The following NRM variants were observed in gnomAD, a reference collection of about 807,000 sequenced individuals.
NRM encodes nuclear rim protein.
Under a neutral mutation model 23.4 loss-of-function variants are expected in NRM, and 19 were observed. The ratio of observed to expected loss-of-function variants is 0.81; its 90% CI spans 0.57 to 1.19. The LOEUF is 1.19. Among genes scored for constraint, NRM ranks in the 50% most tolerant of loss-of-function variants. The pLI, the probability that NRM is intolerant of heterozygous loss-of-function variation, is 0.00. For synonymous variants in NRM, 140 were observed against 143.5 expected (o/e 0.98, Z 0.17); for missense variants, 232 against 329.7 (o/e 0.70, Z 2.30).
rs1771475061 is a variant in NRM, at chr6:30,690,295, G to A, written c.134-52C>T. On this transcript the variant is annotated intron_variant, in intron 1 of 3. Coordinates refer to ENST00000376421, the MANE Select transcript of NRM (RefSeq NM_001384369.1). This position sits in a 1 kb window ranked among gnomAD's most constrained non-coding sequence, Gnocchi z 5.5. ...CAAAAGATCGAAACAGTGGCAGAAT[G>A]TTTCCCCCACCCTCATCTCCTCTTG... 2 of 1,482,642 alleles carry A rather than the reference G, an allele frequency of 1.3e-6. No homozygotes were observed. Among genetic ancestry groups the A allele is most frequent in the Non-Finnish European group, 9.1e-7 (1 of 1,103,782 alleles). 91.8% of individuals were successfully genotyped at this position (1,482,642 alleles called of 1,614,324 possible). A position where few individuals can be genotyped will look rare whatever the true frequency, so the allele number is the denominator to read the frequency against.
At position 30,688,788 on chromosome 6, in the gene NRM, G is replaced by C; in HGVS notation, c.662C>G (p.Ala221Gly). ...GCCCAGGTAGAGGGTAAGGAGGAAAGCAAGGAGGAGACGGTCCGTGCCCAG... is the reference window on the plus strand; with the variant it reads ...GCCCAGGTAGAGGGTAAGGAGGAAACCAAGGAGGAGACGGTCCGTGCCCAG... ...PTLGTDRLLL[A>G]FLLTLYLGLA... Residue 221 changes from alanine (A) to glycine (G), a missense_variant, in exon 4 of 4, where the codon GCT (alanine) becomes GGT (glycine). Physicochemically the swap from Ala to Gly is moderately conservative, Grantham distance 60. Transcript: ENST00000376421. This position sits in a 1 kb window ranked among gnomAD's most constrained non-coding sequence, Gnocchi z 5.9. 1 of 1,613,814 alleles carries C rather than the reference G, an allele frequency of 6.2e-7. No individual in the cohort carries two copies. The highest frequency in any genetic ancestry group is 8.5e-7 in the Non-Finnish European group (1 of 1,179,974).
rs890830570 is a variant in NRM at position 30,690,346 on chromosome 6, C to A, written c.134-103G>T. ...GATCCCCAGGCCATGTCCCTTACTG[C>A]TTTCAAGAGCCTTAATGCTTCCTCT... On this transcript the variant is annotated intron_variant, in intron 1 of 3. Coordinates refer to ENST00000376421, the MANE Select transcript of NRM (RefSeq NM_001384369.1). This position sits in a 1 kb window ranked among gnomAD's most constrained non-coding sequence, Gnocchi z 5.5. 13 of 1,138,356 alleles carry A rather than the reference C, an allele frequency of 1.1e-5. No homozygotes were observed. In the South Asian group the frequency reaches 2.1e-4, roughly 18 times the overall value. 70.5% of individuals were successfully genotyped at this position (1,138,356 alleles called of 1,614,324 possible). A position where few individuals can be genotyped will look rare whatever the true frequency, so the allele number is the denominator to read the frequency against.
chr6:30,690,865 C>T lies in NRM; in HGVS notation c.110G>A (p.Gly37Glu), dbSNP rs777397361. 6.2e-7 allele frequency: 1 copy of T among 1,613,112 alleles called. No homozygotes were observed. The highest frequency in any genetic ancestry group is 8.5e-7 in the Non-Finnish European group (1 of 1,180,038). The change falls in exon 1 of 4, where the codon GGG becomes GAG. Residue 37 changes from glycine to glutamate, a missense_variant. Coordinates refer to ENST00000376421, the MANE Select transcript of NRM (RefSeq NM_001384369.1). The surrounding 1 kb of genome is among the most constrained non-coding windows in gnomAD (Gnocchi z 5.5). ...RFTSLRPLLG[G>E]IPESGGPDAR... ...ACCCGGACCACCAGACTCCGGGATC[C>T]CTCCAAGAAGTGGCCGAAGGGAGGT... is the stretch of plus-strand genomic sequence containing the variant.
chr6:30,691,117 C>A (rs1425114566), upstream of NRM: 2 of 911,136 alleles, frequency 2.2e-6, no homozygotes, highest in South Asian at 1.7e-5. Context: ...GCCCGCCTGG[C>A]GCAGCCTTCC....
In NRM at chr6:30,688,151, G is replaced by A. The variant is rs1488671090; in HGVS notation, c.*510C>T. On this transcript the variant is annotated 3_prime_UTR_variant, in exon 4 of 4. Coordinates refer to ENST00000376421, the MANE Select transcript of NRM (RefSeq NM_001384369.1). The surrounding 1 kb of genome is among the most constrained non-coding windows in gnomAD (Gnocchi z 5.9). ...AGAGCAGGAGAATCCCCTTGACTAG[G>A]TTGGGGTCTGAGCCCAGAGGCAGGG... 1 of 161,386 alleles carries A rather than the reference G, an allele frequency of 6.2e-6. No individual in the cohort carries two copies. Among genetic ancestry groups the A allele is most frequent in the African/African-American group, 2.4e-5 (1 of 41,630 alleles). 10.0% of individuals were successfully genotyped at this position (161,386 alleles called of 1,614,324 possible).
In NRM at chr6:30,690,568, C is replaced by G. The variant is rs1358304966; in HGVS notation, c.133+274G>C. 1 of 1,542,922 alleles carries G rather than the reference C, an allele frequency of 6.5e-7. No individual in the cohort carries two copies. Among genetic ancestry groups the G allele is most frequent in the Non-Finnish European group, 8.8e-7 (1 of 1,142,504 alleles). ...CTTCTTTTTAACACTCTCCTCTCAA[C>G]AGTCCTCTCTACAAAACACTTTACT... On this transcript the variant is annotated intron_variant, in intron 1 of 3. Transcript: ENST00000376421. The surrounding 1 kb of genome is among the most constrained non-coding windows in gnomAD (Gnocchi z 5.5).
upstream of NRM, chr6:30,691,149 C>CTGGGA (rs985508074): frequency 1.6e-6 from 1 of 643,566 alleles, no homozygotes; most frequent in African/African-American, 1.8e-5. Context: ...TGGATCCGTC[C>CTGGGA]TGGGATGCGT....
chr6:30,689,977 C>T lies in NRM; in HGVS notation c.330+70G>A. 1 of 1,518,506 alleles carries T rather than the reference C, an allele frequency of 6.6e-7. No homozygotes were observed. 94.1% of individuals were successfully genotyped at this position (1,518,506 alleles called of 1,614,324 possible). A position where few individuals can be genotyped will look rare whatever the true frequency, so the allele number is the denominator to read the frequency against. On this transcript the variant is annotated intron_variant, in intron 2 of 3. Coordinates refer to ENST00000376421, the MANE Select transcript of NRM (RefSeq NM_001384369.1). The surrounding 1 kb of genome is among the most constrained non-coding windows in gnomAD (Gnocchi z 4.7). Reference sequence around the variant, plus strand: ...TTTGCCCCTCCAATCCACGGCACCCCTCCCACACTTGGTCTCCCTTGGGGA... The same window carrying T: ...TTTGCCCCTCCAATCCACGGCACCCTTCCCACACTTGGTCTCCCTTGGGGA...
At chr6:30,691,085 G>A (rs1771609524), upstream of NRM, 1 of 1,265,792 alleles carries the variant, frequency 7.9e-7, no homozygotes, top group Non-Finnish European at 1.1e-6. Context: ...CGGGGCTCCT[G>A]CACGCCACCG....
In NRM at chr6:30,690,963, T is replaced by A. The variant is rs1771583992; in HGVS notation, c.12A>T (p.Ala4=). 21 of 1,475,338 alleles carry A rather than the reference T, an allele frequency of 1.4e-5. No individual in the cohort carries two copies. The highest frequency in any genetic ancestry group is 1.9e-5 in the Non-Finnish European group (21 of 1,089,838). The allele number at this position is 1,475,338 out of a possible 1,614,324, so 91.4% of individuals were successfully genotyped here. A position where few individuals can be genotyped will look rare whatever the true frequency, so the allele number is the denominator to read the frequency against. The change falls in exon 1 of 4, where the codon GCA becomes GCT. Residue 4 remains alanine (A), a synonymous_variant. Transcript: ENST00000376421. The surrounding 1 kb of genome is among the most constrained non-coding windows in gnomAD (Gnocchi z 5.5). MAP[A]LLLIPAALAS... is the part of the protein sequence containing the mutation. The stretch of plus-strand genomic sequence containing the variant: ...CGAGGGCAGCAGGGATCAGGAGCAG[T>A]GCAGGGGCCATGGCGAGAAATGGAG...
At position 30,688,365 on chromosome 6, in the gene NRM, C is replaced by T. The variant is rs901158760; in HGVS notation, c.*296G>A. ...GGGGAGTGGTCAGGGCAGATCCTTT[C>T]CTTCTCAGGAGGCTGTTGAGGGGGA... On this transcript the variant is annotated 3_prime_UTR_variant, in exon 4 of 4. Transcript: ENST00000376421. The surrounding 1 kb of genome is among the most constrained non-coding windows in gnomAD (Gnocchi z 5.9). The T allele has an allele frequency of 4.0e-6, 2 of 504,188 alleles. No individual in the cohort carries two copies. Among genetic ancestry groups the T allele is most frequent in the Non-Finnish European group, 7.1e-6 (2 of 281,176 alleles). The allele number at this position is 504,188 out of a possible 1,614,324, so 31.2% of individuals were successfully genotyped here.
At position 30,688,896 on chromosome 6, in the gene NRM, G is replaced by C. The variant is rs748796766; in HGVS notation, c.554C>G (p.Ser185Cys). Reference sequence around the variant, plus strand: ...GGAGAAGAGTCTGAGAGCCCGGGGAGACTTCAGGGCCAGAGGCTCGCCCAG... The same window carrying C: ...GGAGAAGAGTCTGAGAGCCCGGGGACACTTCAGGGCCAGAGGCTCGCCCAG... Reference protein sequence around the residue: ...LGLGEPLALKSPRALRLFSHL... With the variant: ...LGLGEPLALKCPRALRLFSHL... The change falls in exon 4 of 4, where the codon TCT (serine) becomes TGT (cysteine). Residue 185 changes from serine to cysteine, a missense_variant. Ser to Cys is a moderately radical substitution (Grantham distance 112). Coordinates refer to ENST00000376421, the MANE Select transcript of NRM (RefSeq NM_001384369.1). The surrounding 1 kb of genome is among the most constrained non-coding windows in gnomAD (Gnocchi z 5.9). The C allele has an allele frequency of 6.2e-7, 1 of 1,613,736 alleles. No individual in the cohort carries two copies. The highest frequency in any genetic ancestry group is 1.1e-5 in the South Asian group (1 of 91,068).
Position 30,689,041 on chromosome 6 carries a change from GC to G in NRM, c.508-100del. 28 of 1,331,770 alleles carry G rather than the reference GC, an allele frequency of 2.1e-5. No homozygotes were observed. The highest frequency in any genetic ancestry group is 2.8e-5 in the Non-Finnish European group (28 of 990,552). The allele number at this position is 1,331,770 out of a possible 1,614,324, so 82.5% of individuals were successfully genotyped here. ...CAGGCACCACCCTTCTAGAACTCAGGCCCAGGAACCCCCCTTCTGAGACTTG... is the reference window on the plus strand; with the variant it reads ...CAGGCACCACCCTTCTAGAACTCAGGCCAGGAACCCCCCTTCTGAGACTTG... On this transcript the variant is annotated intron_variant, in intron 3 of 3. Transcript: ENST00000376421. This position sits in a 1 kb window ranked among gnomAD's most constrained non-coding sequence, Gnocchi z 4.7.
rs1771578168 is a variant in NRM at position 30,690,936 on chromosome 6, G to A, written c.39C>T (p.Ala13=). 1.2e-6 allele frequency: 2 copies of A among 1,613,110 alleles called. No homozygotes were observed. The highest frequency in any genetic ancestry group is 4.5e-5 in the East Asian group (2 of 44,884). Residue 13 remains alanine (A), a synonymous_variant, in exon 1 of 4, where the codon GCC becomes GCT. Coordinates refer to ENST00000376421, the MANE Select transcript of NRM (RefSeq NM_001384369.1). The surrounding 1 kb of genome is among the most constrained non-coding windows in gnomAD (Gnocchi z 5.5). ...PALLLIPAAL[A]SFILAFGTGV... ...CGGTGCCAAAGGCCAGGATGAAAGA[G>A]GCGAGGGCAGCAGGGATCAGGAGCA...
At position 30,689,480 on chromosome 6, in the gene NRM, C is replaced by G; in HGVS notation, c.331-28G>C. ...GTGGAAGGATAAGGGGCTGGGTATC[C>G]CAGTGGCCTAGTCTGCCCGACCTTG... is the stretch of plus-strand genomic sequence containing the variant. On this transcript the variant is annotated intron_variant, in intron 2 of 3. Coordinates refer to ENST00000376421, the MANE Select transcript of NRM (RefSeq NM_001384369.1). This position sits in a 1 kb window ranked among gnomAD's most constrained non-coding sequence, Gnocchi z 4.7. 1 of 1,543,804 alleles carries G rather than the reference C, an allele frequency of 6.5e-7. No individual in the cohort carries two copies. Among genetic ancestry groups the G allele is most frequent in the Non-Finnish European group, 8.7e-7 (1 of 1,144,128 alleles).
At chr6:30,691,088 C>T, upstream of NRM, 2 of 1,252,732 alleles carry the variant, frequency 1.6e-6, no homozygotes, top group Non-Finnish European at 2.2e-6. Flanking sequence ...GGCTCCTGCA[C>T]GCCACCGCCA....
chr6:30,691,229 C>A (rs568887585), upstream of NRM: 9 of 457,302 alleles, frequency 2.0e-5, no homozygotes, highest in Non-Finnish European at 3.2e-5. Flanking sequence ...TTAAGGGTAG[C>A]GGCTCTGCAG....
In NRM at chr6:30,690,489, T is replaced by C; in HGVS notation, c.134-246A>G. 5 of 1,455,778 alleles carry C rather than the reference T, an allele frequency of 3.4e-6. No homozygotes were observed. The highest frequency in any genetic ancestry group is 4.6e-6 in the Non-Finnish European group (5 of 1,081,744). The allele number at this position is 1,455,778 out of a possible 1,614,324, so 90.2% of individuals were successfully genotyped here. ...ACATGTTAGGCAGTTGCAAAAAGCA[T>C]GGCTGGAGAGGCCACGCTGGATTGC... On this transcript the variant is annotated intron_variant, in intron 1 of 3. Coordinates refer to ENST00000376421, the MANE Select transcript of NRM (RefSeq NM_001384369.1). The surrounding 1 kb of genome is among the most constrained non-coding windows in gnomAD (Gnocchi z 5.5).
chr6:30,689,023 C>T lies in NRM; in HGVS notation c.508-81G>A. 2 of 1,446,538 alleles carry T rather than the reference C, an allele frequency of 1.4e-6. No individual in the cohort carries two copies. The highest frequency in any genetic ancestry group is 1.9e-6 in the Non-Finnish European group (2 of 1,078,572). The allele number at this position is 1,446,538 out of a possible 1,614,324, so 89.6% of individuals were successfully genotyped here. ...ACTTCTTTCCTCCTCTTCCAGGCAC[C>T]ACCCTTCTAGAACTCAGGCCCAGGA... On this transcript the variant is annotated intron_variant, in intron 3 of 3. Transcript: ENST00000376421. This position sits in a 1 kb window ranked among gnomAD's most constrained non-coding sequence, Gnocchi z 4.7.
Sources: allele counts gnomAD v4.1 joint callset, GRCh38; gene constraint gnomAD v4.1.1; non-coding constraint Gnocchi (gnomAD v3.1); transcripts MANE v1.5; gene names NCBI Gene and HGNC (gene_info 2026-07-23, HGNC 2026-07-21).